Variants in CSMD1 observed in about 807,000 individuals in gnomAD.
CSMD1 encodes CUB and Sushi multiple domains 1.
A neutral mutation model predicts 417.5 loss-of-function variants in CSMD1; 213 were observed. That is an observed-to-expected ratio of 0.51 (90% CI 0.46 to 0.57). The LOEUF is 0.57. Among genes scored for constraint, CSMD1 ranks in the 20% least tolerant of loss-of-function variants. The pLI, the probability that CSMD1 is intolerant of heterozygous loss-of-function variation, is 0.00. For missense variants in CSMD1, 6,923 were observed against 4,529.7 expected (o/e 1.53, Z -15.17); for synonymous variants, 2,862 against 1,736.8 (o/e 1.65, Z -16.11).
At chr8:3,281,384 C>T (rs1483109035) in intron 26 of CSMD1, among the ~76,000 whole-genome samples, 2 of 152,076 alleles carry the variant, frequency 1.3e-5, no homozygotes, top group Non-Finnish European at 2.9e-5. Context: ...GCAGAGGCTC[C>T]AGTGAGCCAA....
chr8:4,189,071 T>C (rs1182478821), intron 3 of CSMD1, among the ~76,000 whole-genome samples: 2 of 152,200 alleles, frequency 1.3e-5, no homozygotes, highest in Admixed American at 1.3e-4. Flanking sequence ...TGAAAGTTAA[T>C]TATCTAGTAA....
intron 4 of CSMD1, among the ~76,000 whole-genome samples, chr8:4,011,676 C>T (rs1303366657): frequency 3.3e-5 from 5 of 152,148 alleles, no homozygotes; most frequent in Admixed American, 3.3e-4. Context: ...AATTTTTAAA[C>T]TACGAAATAA....
chr8:4,116,697 C>G (rs1304902867), intron 3 of CSMD1, among the ~76,000 whole-genome samples: 1 of 152,020 alleles, frequency 6.6e-6, no homozygotes, highest in Non-Finnish European at 1.5e-5. Flanking sequence ...CTGGATGGAA[C>G]AAACGCGCCA....
chr8:3,930,028 T>G (rs925610071), intron 5 of CSMD1, among the ~76,000 whole-genome samples: 1 of 150,270 alleles, frequency 6.7e-6, no homozygotes, highest in African/African-American at 2.5e-5. Flanking sequence ...CTTACACTGG[T>G]TTATATAAAG....
intron 26 of CSMD1, among the ~76,000 whole-genome samples, chr8:3,279,898 C>T (rs533797798): frequency 6.6e-6 from 1 of 152,200 alleles, no homozygotes; most frequent in Non-Finnish European, 1.5e-5. Context: ...TGGTCCCACC[C>T]TTGACACATA....
Position 3,618,572 on chromosome 8 carries a change from T to C in CSMD1, c.1010-1775A>G, listed in dbSNP as rs140790274. 2.9e-3 allele frequency among the ~76,000 whole-genome samples: 448 copies of C among 152,268 alleles called. 4 individuals are homozygous for C. Among genetic ancestry groups the C allele is most frequent in the African/African-American group, 0.01 (428 of 41,562 alleles). On this transcript the variant is annotated intron_variant, in intron 7 of 69. Transcript: ENST00000635120. The stretch of plus-strand genomic sequence containing the variant: ...TAAATGTTTAATTTTCTCAATATTA[T>C]ATCAAAATAATCCAGCAAGTTTGGT...
intron 3 of CSMD1, among the ~76,000 whole-genome samples, chr8:4,041,308 C>T (rs1226973217): frequency 7.2e-5 from 11 of 152,098 alleles, no homozygotes; most frequent in Non-Finnish European, 1.5e-5. Context: ...TGAGCCACCG[C>T]GCCTGGCCGG....
At chr8:4,608,938 T>C (rs1291085092) in intron 2 of CSMD1, among the ~76,000 whole-genome samples, 1 of 152,030 alleles carries the variant, frequency 6.6e-6, no homozygotes, top group East Asian at 1.9e-4. Context: ...AAACCTTGTT[T>C]GATTAACTCT....
intron 3 of CSMD1, among the ~76,000 whole-genome samples, chr8:4,080,017 C>G (rs1421211935): frequency 1.5e-5 from 2 of 133,512 alleles, no homozygotes; most frequent in African/African-American, 5.7e-5. Context: ...TTTTTTTTTT[C>G]TAGATATCAA....
chr8:4,787,624 A>T, intron 1 of CSMD1: 1 of 1,570,718 alleles, frequency 6.4e-7, no homozygotes, highest in Non-Finnish European at 8.7e-7. Context: ...GAAGAATAGC[A>T]ACTGGTTCTT....
chr8:4,699,736 T>C (rs1401359712), intron 1 of CSMD1, among the ~76,000 whole-genome samples: 1 of 152,212 alleles, frequency 6.6e-6, no homozygotes, highest in African/African-American at 2.4e-5. Context: ...ATTTCTACTG[T>C]GATTCATGGA....
At chr8:3,689,924 C>T (rs190631466) in intron 7 of CSMD1, among the ~76,000 whole-genome samples, 28 of 152,286 alleles carry the variant, frequency 1.8e-4, no homozygotes, top group Non-Finnish European at 3.4e-4. Context: ...CAAATAATCA[C>T]GTTCATCAAT....
intron 1 of CSMD1, among the ~76,000 whole-genome samples, chr8:4,852,421 A>C (rs115584736): frequency 2.1e-4 from 32 of 152,200 alleles, no homozygotes; most frequent in African/African-American, 7.2e-4. Flanking sequence ...TATGTGATGC[A>C]CTGTCTGCCC....
At chr8:4,056,511 A>T (rs1798699194) in intron 3 of CSMD1, among the ~76,000 whole-genome samples, 1 of 151,590 alleles carries the variant, frequency 6.6e-6, no homozygotes, top group African/African-American at 2.4e-5. Flanking sequence ...TTGGGCTACT[A>T]AGGAAAGCAT....
intron 51 of CSMD1, 124 bp downstream of exon 51, chr8:3,029,195 T>A (rs1810161403): frequency 1.5e-6 from 1 of 653,646 alleles, no homozygotes; most frequent in Admixed American, 3.2e-5. Context: ...ACAGGCCATT[T>A]GTTCTTTTGA....
At chr8:4,595,387 C>CTTTTTTTTTTTTTTTCTTTTT in intron 2 of CSMD1, among the ~76,000 whole-genome samples, 11 of 147,424 alleles carry the variant, frequency 7.5e-5, no homozygotes, top group East Asian at 2.0e-4. Flanking sequence ...CATTCATTTT[C>CTTTTTTTTTTTTTTTCTTTTT]ATTCCATCCA....
intron 36 of CSMD1, among the ~76,000 whole-genome samples, chr8:3,183,442 G>T (rs1373772752): frequency 7.7e-6 from 1 of 130,176 alleles, no homozygotes; most frequent in Non-Finnish European, 1.6e-5. Flanking sequence ...GGTCTCTAAC[G>T]CCTAATCTAT....
At chr8:3,277,868 C>T (rs961488551) in intron 26 of CSMD1, among the ~76,000 whole-genome samples, 2 of 152,112 alleles carry the variant, frequency 1.3e-5, no homozygotes, top group African/African-American at 4.8e-5. Context: ...ATGGAATTGC[C>T]AACATTCCAT....
intron 8 of CSMD1, 33 bp from the exon 9 acceptor site, chr8:3,586,293 A>G (rs1800598151): frequency 6.5e-7 from 1 of 1,536,264 alleles, no homozygotes; most frequent in South Asian, 1.3e-5. Flanking sequence ...AAAAAACCCA[A>G]ATTATTTACA....
Sources: allele counts gnomAD v4.1 joint callset (sites outside exome capture counted in the v4.1 genomes callset), GRCh38; gene constraint gnomAD v4.1.1; transcripts MANE v1.5; gene names NCBI Gene and HGNC (gene_info 2026-07-23, HGNC 2026-07-21).